The following GLT1D1 variants were observed in gnomAD, a reference collection of about 807,000 sequenced individuals.
GLT1D1 encodes glycosyltransferase 1 domain-containing protein 1.
Under a neutral mutation model 28.7 loss-of-function variants are expected in GLT1D1, and 21 were observed. That is an observed-to-expected ratio of 0.73 (90% CI 0.52 to 1.05). The LOEUF (loss-of-function observed/expected upper bound fraction) is 1.05, where lower values mean the gene tolerates loss of function less well. GLT1D1 is among the 50% of genes least tolerant of loss of function. The pLI is 0.00. For missense variants in GLT1D1, 343 were observed against 330.6 expected (o/e 1.04, Z -0.29); for synonymous variants, 147 against 124.8 (o/e 1.18, Z -1.19).
intron 4 of GLT1D1, among the ~76,000 whole-genome samples, chr12:128,912,182 C>G (rs989538793): frequency 6.6e-6 from 1 of 152,086 alleles, no homozygotes; most frequent in Non-Finnish European, 1.5e-5. Context: ...ATTTAAGAGA[C>G]TTTTTGTGTG....
chr12:128,910,024 G>A (rs1871352492), intron 4 of GLT1D1, among the ~76,000 whole-genome samples: 1 of 152,204 alleles, frequency 6.6e-6, no homozygotes, highest in African/African-American at 2.4e-5. Context: ...AAGCCAATTG[G>A]CTTTTGCCAG....
At chr12:128,925,789 G>A (rs142253828) in intron 4 of GLT1D1, among the ~76,000 whole-genome samples, 210 of 152,206 alleles carry the variant, frequency 1.4e-3, no homozygotes, top group African/African-American at 3.7e-3. Flanking sequence ...CAGTTCCCCC[G>A]TGCCTCATCC....
intron 1 of GLT1D1, among the ~76,000 whole-genome samples, chr12:128,869,770 T>A (rs1479300383): frequency 6.6e-6 from 1 of 152,030 alleles, no homozygotes; most frequent in African/African-American, 2.4e-5. Flanking sequence ...TCCTGTTCGG[T>A]GCAGAGCTCA....
chr12:128,899,085 A>G, intron 3 of GLT1D1, 151 bp from the exon 4 acceptor site: 2 of 621,884 alleles, frequency 3.2e-6, no homozygotes, highest in Non-Finnish European at 5.7e-6. Flanking sequence ...GATTAAACCT[A>G]ATGGCCAATG....
chr12:128,886,689 C>A (rs1337805401), intron 2 of GLT1D1, among the ~76,000 whole-genome samples: 2 of 152,076 alleles, frequency 1.3e-5, no homozygotes, highest in African/African-American at 4.8e-5. Context: ...CTTGTAACGA[C>A]CCCTGTGGTT....
chr12:128,959,422 G>GGGGT (rs1565913952), intron 7 of GLT1D1, among the ~76,000 whole-genome samples: 1 of 88,164 alleles, frequency 1.1e-5, no homozygotes. Context: ...GGGGGGGGAC[G>GGGGT]GGTGGGGAGG....
At chr12:128,925,587 G>C (rs974072879) in intron 4 of GLT1D1, among the ~76,000 whole-genome samples, 14 of 152,258 alleles carry the variant, frequency 9.2e-5, no homozygotes, top group African/African-American at 3.1e-4. Context: ...GTCTATCATT[G>C]ATGGGCGTTT....
chr12:128,940,556 A>G (rs1875098118), intron 4 of GLT1D1, among the ~76,000 whole-genome samples: 1 of 152,086 alleles, frequency 6.6e-6, no homozygotes, highest in African/African-American at 2.4e-5. Context: ...CCACACATCC[A>G]CTACGAGTTT....
chr12:128,972,594 G>A (rs1175214984), intron 7 of GLT1D1, among the ~76,000 whole-genome samples: 2 of 152,208 alleles, frequency 1.3e-5, no homozygotes, highest in Non-Finnish European at 2.9e-5. Context: ...AAGATGGCTA[G>A]CATCTGTTGA....
At chr12:128,945,672 G>A (rs1359703516) in intron 5 of GLT1D1, among the ~76,000 whole-genome samples, 1 of 152,222 alleles carries the variant, frequency 6.6e-6, no homozygotes, top group Non-Finnish European at 1.5e-5. Context: ...CCTGCCTGGA[G>A]GGCAATTTGT....
intron 4 of GLT1D1, among the ~76,000 whole-genome samples, chr12:128,942,697 G>T (rs1482804410): frequency 6.7e-6 from 1 of 149,764 alleles, no homozygotes; most frequent in Non-Finnish European, 1.5e-5. Flanking sequence ...CATCCTTGCT[G>T]CCCCACTCAG....
chr12:128,949,755 CGCACACACACAG>C (rs1359291824), intron 6 of GLT1D1, among the ~76,000 whole-genome samples: 3 of 152,008 alleles, frequency 2.0e-5, no homozygotes, highest in African/African-American at 7.3e-5. Flanking sequence ...CACACACACA[CGCACACACACAG>C]GCACACACAC....
At chr12:128,918,318 AG>A (rs1872313330) in intron 4 of GLT1D1, among the ~76,000 whole-genome samples, 1 of 152,140 alleles carries the variant, frequency 6.6e-6, no homozygotes, top group Admixed American at 6.5e-5. Flanking sequence ...AGGAGAGGGT[AG>A]GGCTGGGGGC....
At chr12:128,857,488 A>C (rs1956251140) in intron 1 of GLT1D1, among the ~76,000 whole-genome samples, 1 of 152,048 alleles carries the variant, frequency 6.6e-6, no homozygotes, top group Non-Finnish European at 1.5e-5. Context: ...AAAAAGCAGA[A>C]GTTGCTTGAA....
At chr12:128,861,253 A>C (rs28451437) in intron 1 of GLT1D1, among the ~76,000 whole-genome samples, 1 of 152,060 alleles carries the variant, frequency 6.6e-6, no homozygotes. Context: ...TGTTGTTCAC[A>C]TTTCTGCTTT....
intron 7 of GLT1D1, among the ~76,000 whole-genome samples, chr12:128,976,228 C>T (rs1160145056): frequency 6.6e-6 from 1 of 152,178 alleles, no homozygotes; most frequent in African/African-American, 2.4e-5. Flanking sequence ...CGGCAGGTTG[C>T]CTTAGACCTG....
intron 2 of GLT1D1, among the ~76,000 whole-genome samples, chr12:128,885,505 G>A (rs1415842439): frequency 6.6e-6 from 1 of 152,212 alleles, no homozygotes; most frequent in Non-Finnish European, 1.5e-5. Context: ...TTACAGGTAT[G>A]AGCCACCATG....
chr12:128,934,032 ACT>A (rs1874234152), intron 4 of GLT1D1, among the ~76,000 whole-genome samples: 1 of 151,954 alleles, frequency 6.6e-6, no homozygotes, highest in African/African-American at 2.4e-5. Context: ...ACGGGAGTGC[ACT>A]CTGCTTCAGC....
chr12:128,965,435 A>T (rs1386700317), intron 7 of GLT1D1, among the ~76,000 whole-genome samples: 1 of 152,290 alleles, frequency 6.6e-6, no homozygotes, highest in South Asian at 2.1e-4. Flanking sequence ...CCAAACTTTG[A>T]TCTCAGGCTC....
Sources: gnomAD v4.1 joint callset for allele counts (sites outside exome capture counted in the v4.1 genomes callset) on GRCh38, gnomAD v4.1.1 for gene constraint, MANE v1.5 for transcripts, NCBI Gene and HGNC (gene_info 2026-07-23, HGNC 2026-07-21) for gene names.